The following PDZRN3 variants were observed in gnomAD, a reference collection of about 807,000 sequenced individuals.
PDZRN3 encodes PDZ domain containing ring finger 3.
PDZRN3 carries 38 observed loss-of-function variants against 85.7 expected under a neutral mutation model. The observed-to-expected ratio is 0.44, with a 90% CI of 0.34 to 0.58. The LOEUF (loss-of-function observed/expected upper bound fraction) is 0.58. PDZRN3 is among the 20% of genes least tolerant of loss of function. The pLI is 0.01. For missense variants in PDZRN3, 1,629 were observed against 1,506.4 expected (o/e 1.08, Z -1.35); for synonymous variants, 759 against 638.0 (o/e 1.19, Z -2.86).
chr3:73,496,854 C>A (rs532853787), intron 3 of PDZRN3, among the ~76,000 whole-genome samples: 1 of 152,296 alleles, frequency 6.6e-6, no homozygotes, highest in East Asian at 1.9e-4. Flanking sequence ...CTGACCATTA[C>A]TAATTATATT....
In PDZRN3 at chr3:73,559,932, A is replaced by C. The variant is rs572988215; in HGVS notation, c.918+42422T>G. Among the ~76,000 whole-genome samples the C allele has an allele frequency of 2.6e-5, 4 of 152,352 alleles. No individual in the cohort carries two copies. The East Asian group carries it at 5.8e-4, about 22-fold the overall frequency. ...ATTCCCAGAGAACATGTGAGCACCCAGTTCATTTACAAATCACATACACTA... is the reference window on the plus strand; with the variant it reads ...ATTCCCAGAGAACATGTGAGCACCCCGTTCATTTACAAATCACATACACTA... On this transcript the variant is annotated intron_variant, in intron 3 of 9. Transcript: ENST00000263666.
intron 3 of PDZRN3, among the ~76,000 whole-genome samples, chr3:73,418,206 T>A (rs548394905): frequency 6.6e-6 from 1 of 152,332 alleles, no homozygotes; most frequent in Non-Finnish European, 1.5e-5. Flanking sequence ...ATTACATTTT[T>A]AAAAATAAGA....
chr3:73,486,149 C>T (rs9819291), intron 3 of PDZRN3, among the ~76,000 whole-genome samples: 151,759 of 152,318 alleles, frequency 1, 75,607 homozygotes, highest in Middle Eastern at 1. Flanking sequence ...GTGAAGGAAA[C>T]AGAAAAATAA....
At chr3:73,515,100 G>A (rs1318001167) in intron 3 of PDZRN3, among the ~76,000 whole-genome samples, 3 of 151,360 alleles carry the variant, frequency 2.0e-5, no homozygotes, top group Admixed American at 2.0e-4. Flanking sequence ...GGACTCCAAG[G>A]ACACAAAAGC....
At chr3:73,569,768 G>A (rs1333836637) in intron 3 of PDZRN3, among the ~76,000 whole-genome samples, 2 of 152,218 alleles carry the variant, frequency 1.3e-5, no homozygotes, top group South Asian at 2.1e-4. Context: ...TGGCAGTGGT[G>A]AAGAGAAGGA....
chr3:73,407,886 G>A lies in PDZRN3; in HGVS notation c.919-3491C>T, dbSNP rs144629632. On this transcript the variant is annotated intron_variant, in intron 3 of 9. Transcript: ENST00000263666. Reference sequence around the variant, plus strand: ...TGTCCAGCTTTGGGTACTGTTACACGGCATTGATACAACAGCATCCATACT... The same window carrying A: ...TGTCCAGCTTTGGGTACTGTTACACAGCATTGATACAACAGCATCCATACT... Among the ~76,000 whole-genome samples the A allele has an allele frequency of 1.1e-4, 17 of 152,230 alleles. 1 individual carries two copies. In the East Asian group the frequency reaches 1.4e-3, roughly 12 times the overall value.
chr3:73,486,488 G>A (rs9832014), intron 3 of PDZRN3, among the ~76,000 whole-genome samples: 18 of 152,188 alleles, frequency 1.2e-4, no homozygotes, highest in Non-Finnish European at 1.5e-4. Flanking sequence ...AAAAAGCCAT[G>A]CATTTGTTCA....
intron 3 of PDZRN3, among the ~76,000 whole-genome samples, chr3:73,476,667 G>A (rs907153088): frequency 3.3e-5 from 5 of 152,120 alleles, no homozygotes; most frequent in African/African-American, 1.2e-4. Context: ...TTGTACACAC[G>A]TACCCTCTCT....
At chr3:73,445,020 G>A (rs985617153) in intron 3 of PDZRN3, among the ~76,000 whole-genome samples, 1 of 152,210 alleles carries the variant, frequency 6.6e-6, no homozygotes, top group African/African-American at 2.4e-5. Context: ...GAAGAGGCCT[G>A]TGACTGGCGT....
intron 3 of PDZRN3, among the ~76,000 whole-genome samples, chr3:73,409,513 C>T (rs774295326): frequency 3.3e-5 from 5 of 152,100 alleles, no homozygotes; most frequent in African/African-American, 7.2e-5. Flanking sequence ...TCTTGGCTGA[C>T]GGAATGTCAC....
intron 3 of PDZRN3, among the ~76,000 whole-genome samples, chr3:73,599,249 C>A (rs1213817497): frequency 6.6e-6 from 1 of 152,210 alleles, no homozygotes. Context: ...ATACAGACAA[C>A]AGAATGTTAT....
At chr3:73,592,058 A>AT (rs1418356842) in intron 3 of PDZRN3, among the ~76,000 whole-genome samples, 1 of 152,152 alleles carries the variant, frequency 6.6e-6, no homozygotes, top group Non-Finnish European at 1.5e-5. Flanking sequence ...CAACATGAAG[A>AT]TTTTTTAACA....
intron 3 of PDZRN3, among the ~76,000 whole-genome samples, chr3:73,508,793 C>T (rs948454225): frequency 6.6e-6 from 1 of 152,164 alleles, no homozygotes; most frequent in African/African-American, 2.4e-5. Context: ...AAAATTGATA[C>T]ATTGGAAAAT....
intron 3 of PDZRN3, among the ~76,000 whole-genome samples, chr3:73,408,590 G>GC (rs200063872): frequency 6.7e-6 from 1 of 150,010 alleles, no homozygotes. Flanking sequence ...CTTGGAGGAG[G>GC]GGGGGGGGTG....
chr3:73,438,422 C>T (rs552836391), intron 3 of PDZRN3, among the ~76,000 whole-genome samples: 40 of 152,334 alleles, frequency 2.6e-4, no homozygotes, highest in African/African-American at 9.1e-4. Context: ...ACCTAAAATA[C>T]AACCTTGTTT....
chr3:73,550,869 G>C (rs1182619096), intron 3 of PDZRN3, among the ~76,000 whole-genome samples: 15 of 152,214 alleles, frequency 9.9e-5, no homozygotes. Context: ...GGGTCATACA[G>C]ACAGCAATAC....
intron 3 of PDZRN3, among the ~76,000 whole-genome samples, chr3:73,519,855 G>C (rs967498076): frequency 6.6e-6 from 1 of 152,186 alleles, no homozygotes; most frequent in Non-Finnish European, 1.5e-5. Flanking sequence ...ATGTGATGTG[G>C]TGGGACAGGA....
chr3:73,401,088 T>C lies in PDZRN3; in HGVS notation c.1167-79A>G, dbSNP rs140875962. The C allele has an allele frequency of 1.0e-4, 105 of 1,039,680 alleles. No homozygotes were observed. The African/African-American group carries it at 1.2e-3, about 12-fold the overall frequency. The allele number at this position is 1,039,680 out of a possible 1,614,324, so 64.4% of individuals were successfully genotyped here. ...TTTCTTACACCCATTGTCAGGCCAG[T>C]GGCACAGTAGCAATTCCCAGGGTGT... On this transcript the variant is annotated intron_variant, in intron 4 of 9. Transcript: ENST00000263666.
intron 3 of PDZRN3, among the ~76,000 whole-genome samples, chr3:73,514,783 G>C (rs1704227126): frequency 6.6e-6 from 1 of 152,288 alleles, no homozygotes; most frequent in African/African-American, 2.4e-5. Context: ...AGCTAAAATT[G>C]TACAGTTGTA....
Sources: gnomAD v4.1 joint callset for allele counts (sites outside exome capture counted in the v4.1 genomes callset) on GRCh38, gnomAD v4.1.1 for gene constraint, MANE v1.5 for transcripts, NCBI Gene and HGNC (gene_info 2026-07-23, HGNC 2026-07-21) for gene names.